The following TMEM71 variants were observed in gnomAD, a reference collection of about 807,000 sequenced individuals.
TMEM71 encodes transmembrane protein 71.
In TMEM71, 44 loss-of-function variants were observed where a neutral mutation model predicts 38.0. The observed-to-expected ratio is 1.16, with a 90% CI of 0.91 to 1.49. The LOEUF is 1.49. Ranked by LOEUF, TMEM71 falls within the 40% of genes most tolerant of loss-of-function variation. The pLI, the probability that TMEM71 is intolerant of heterozygous loss-of-function variation, is 0.00. For missense variants in TMEM71, 367 were observed against 348.6 expected (o/e 1.05, Z -0.42); for synonymous variants, 133 against 122.5 (o/e 1.09, Z -0.56).
At chr8:132,772,502 C>T in the TMEM71 span, among the ~76,000 whole-genome samples, 5 of 152,238 alleles carry the variant, frequency 3.3e-5, no homozygotes, top group African/African-American at 9.6e-5. Context: ...TATCCTGTAT[C>T]CCTACTCTGA....
At chr8:132,774,730 G>A in the TMEM71 span, among the ~76,000 whole-genome samples, 1 of 152,230 alleles carries the variant, frequency 6.6e-6, no homozygotes. Flanking sequence ...GTAGGTATTC[G>A]ATAAAAGCAG....
chr8:132,755,718 T>C (rs1828965866), intron 3 of TMEM71, among the ~76,000 whole-genome samples: 1 of 152,214 alleles, frequency 6.6e-6, no homozygotes, highest in African/African-American at 2.4e-5. Flanking sequence ...AAAGCTTATA[T>C]ACAATGAATA....
intron 6 of TMEM71, among the ~76,000 whole-genome samples, chr8:132,725,010 G>A (rs1396857236): frequency 6.6e-6 from 1 of 151,868 alleles, no homozygotes; most frequent in Non-Finnish European, 1.5e-5. Context: ...CATGTATGGA[G>A]GGCCTTTTTT....
Position 132,760,475 on chromosome 8 carries a change from C to T in TMEM71, c.-37+1G>A, listed in dbSNP as rs1261136227. On this transcript the variant is annotated splice_donor_variant, in intron 1 of 9. Coordinates refer to ENST00000677595, the MANE Select transcript of TMEM71 (RefSeq NM_001382403.1). LOFTEE classifies it low-confidence loss of function (5UTR_SPLICE). The stretch of plus-strand genomic sequence containing the variant: ...TCTTAATAAAGGGAATCCCACCCTA[C>T]CTTCTTCTCACAGATGCCCACGCAC... 1 of 152,238 alleles carries T rather than the reference C, an allele frequency of 6.6e-6. No individual in the cohort carries two copies. The highest frequency in any genetic ancestry group is 1.5e-5 in the Non-Finnish European group (1 of 68,046). The allele number at this position is 152,238 out of a possible 1,614,324, so 9.4% of individuals were successfully genotyped here.
At chr8:132,708,425 G>A (rs919020339), downstream of TMEM71, among the ~76,000 whole-genome samples, 3 of 152,230 alleles carry the variant, frequency 2.0e-5, no homozygotes, top group African/African-American at 4.8e-5. Context: ...TTATACACTT[G>A]GAGGAGAATC....
intron 9 of TMEM71, among the ~76,000 whole-genome samples, chr8:132,712,109 T>C (rs781294252): frequency 1.2e-4 from 19 of 152,160 alleles, no homozygotes; most frequent in Non-Finnish European, 2.5e-4. Flanking sequence ...ACAGAGTACA[T>C]ACTATTTTCA....
chr8:132,739,554 G>C (rs932324613), intron 5 of TMEM71, among the ~76,000 whole-genome samples: 5 of 151,948 alleles, frequency 3.3e-5, no homozygotes, highest in African/African-American at 1.2e-4. Context: ...CTCGTGATCC[G>C]CCTGCCTCGG....
chr8:132,715,409 C>CAAAAAAAAAAAAAAAAAAAAAAAAA (rs975995287), intron 7 of TMEM71, among the ~76,000 whole-genome samples: 3 of 21,572 alleles, frequency 1.4e-4, no homozygotes, highest in African/African-American at 1.2e-4. Flanking sequence ...GACTCCGTCT[C>CAAAAAAAAAAAAAAAAAAAAAAAAA]AAAAAAAAAA....
At chr8:132,768,796 A>C in the TMEM71 span, among the ~76,000 whole-genome samples, 2 of 152,226 alleles carry the variant, frequency 1.3e-5, no homozygotes, top group African/African-American at 2.4e-5. Flanking sequence ...CCTCCTGCAG[A>C]AGGGGAATTA....
chr8:132,721,922 C>G, intron 7 of TMEM71, 118 bp downstream of exon 7: 1 of 861,650 alleles, frequency 1.2e-6, no homozygotes, highest in Non-Finnish European at 2.0e-6. Flanking sequence ...GACACATGAA[C>G]GAATCTCAAC....
intron 5 of TMEM71, among the ~76,000 whole-genome samples, chr8:132,730,654 T>A (rs535757513): frequency 1.3e-5 from 2 of 152,318 alleles, no homozygotes; most frequent in South Asian, 4.1e-4. Flanking sequence ...TTTTTTGTTT[T>A]TTTGTGGTTA....
At chr8:132,761,196 A>G (rs1454018697), upstream of TMEM71, among the ~76,000 whole-genome samples, 1 of 152,210 alleles carries the variant, frequency 6.6e-6, no homozygotes, top group Non-Finnish European at 1.5e-5. Flanking sequence ...TCAAATATAT[A>G]TTCCAGCAAC....
At chr8:132,718,341 G>A (rs1007664475) in intron 7 of TMEM71, among the ~76,000 whole-genome samples, 2 of 151,610 alleles carry the variant, frequency 1.3e-5, no homozygotes, top group Admixed American at 6.6e-5. Flanking sequence ...GGTCAAAGGA[G>A]ATATGTAACT....
At chr8:132,729,872 A>T (rs988187130) in intron 5 of TMEM71, among the ~76,000 whole-genome samples, 5 of 152,248 alleles carry the variant, frequency 3.3e-5, no homozygotes, top group African/African-American at 1.2e-4. Flanking sequence ...AGGAGAAGGC[A>T]TGAAAGCTTA....
chr8:132,708,969 G>T (rs1463178585), downstream of TMEM71, among the ~76,000 whole-genome samples: 1 of 152,132 alleles, frequency 6.6e-6, no homozygotes, highest in African/African-American at 2.4e-5. Flanking sequence ...AATTTGCATT[G>T]TTTTAAGCCA....
intron 7 of TMEM71, among the ~76,000 whole-genome samples, chr8:132,718,202 T>C (rs1358567658): frequency 1.3e-5 from 2 of 152,170 alleles, no homozygotes; most frequent in Non-Finnish European, 2.9e-5. Context: ...CTAAAACCAC[T>C]AAAGGTGCAC....
rs117373696 is a variant in TMEM71, at chr8:132,720,848, T to C, written c.752+1192A>G. On this transcript the variant is annotated intron_variant, in intron 7 of 9. Transcript: ENST00000677595. ...CTTTGTTTCATTGATTCAATAAATA[T>C]TGAAGAACCCCTGGCACTGAGGATA... 1.7e-3 allele frequency among the ~76,000 whole-genome samples: 252 copies of C among 152,288 alleles called. No homozygotes were observed. The Middle Eastern group carries it at 0.017, about 10-fold the overall frequency.
chr8:132,771,768 G>GA, the TMEM71 span, among the ~76,000 whole-genome samples: 1 of 152,094 alleles, frequency 6.6e-6, no homozygotes, highest in Non-Finnish European at 1.5e-5. Context: ...GAATACATTA[G>GA]AGAGGTGAAA....
chr8:132,762,561 A>G (rs942118831), upstream of TMEM71, among the ~76,000 whole-genome samples: 2 of 152,128 alleles, frequency 1.3e-5, no homozygotes, highest in Non-Finnish European at 1.5e-5. Flanking sequence ...AGGAGTGCTT[A>G]CTATGTACCA....
Sources: allele counts gnomAD v4.1 joint callset (sites outside exome capture counted in the v4.1 genomes callset), GRCh38; gene constraint gnomAD v4.1.1; transcripts MANE v1.5; gene names NCBI Gene and HGNC (gene_info 2026-07-23, HGNC 2026-07-21).